The following KCNAB1 variants were observed in gnomAD, a reference collection of about 807,000 sequenced individuals.
The protein encoded by KCNAB1 is potassium voltage-gated channel subfamily A regulatory beta subunit 1, also known as voltage-gated potassium channel subunit beta-1.
A neutral mutation model predicts 64.6 loss-of-function variants in KCNAB1; 35 were observed. That is an observed-to-expected ratio of 0.54 (90% CI 0.41 to 0.72). KCNAB1 has a LOEUF of 0.72. Ranked by LOEUF, KCNAB1 falls within the 30% of genes least tolerant of loss-of-function variation. The pLI is 0.00. For missense variants in KCNAB1, 401 were observed against 512.9 expected (o/e 0.78, Z 2.11); for synonymous variants, 177 against 183.8 (o/e 0.96, Z 0.30).
chr3:156,390,455 G>C (rs532935208), intron 1 of KCNAB1, among the ~76,000 whole-genome samples: 9 of 152,240 alleles, frequency 5.9e-5, no homozygotes, highest in African/African-American at 1.7e-4. Flanking sequence ...GATTAGTTTA[G>C]AGTCTTAAAA....
intron 1 of KCNAB1, among the ~76,000 whole-genome samples, chr3:156,124,655 C>T (rs1321686457): frequency 6.6e-6 from 1 of 152,052 alleles, no homozygotes; most frequent in Non-Finnish European, 1.5e-5. Context: ...TTTCTGGAAA[C>T]ATTTTTCTCA....
chr3:156,452,824 G>A lies in KCNAB1; in HGVS notation c.320-75G>A. 2 of 1,159,834 alleles carry A rather than the reference G, an allele frequency of 1.7e-6. No individual in the cohort carries two copies. Among genetic ancestry groups the A allele is most frequent in the Admixed American group, 1.9e-5 (1 of 52,236 alleles). 71.8% of individuals were successfully genotyped at this position (1,159,834 alleles called of 1,614,324 possible). ...TACAACCTATTGAGGTAGTCCCAAA[G>A]TAAGAATTTCCCTTATTACGCACAA... On this transcript the variant is annotated intron_variant, in intron 2 of 13. Transcript: ENST00000490337. This position sits in a 1 kb window ranked among gnomAD's most constrained non-coding sequence, Gnocchi z 4.6.
At chr3:156,512,000 G>A (rs1181430605) in intron 8 of KCNAB1, among the ~76,000 whole-genome samples, 1 of 152,252 alleles carries the variant, frequency 6.6e-6, no homozygotes, top group Non-Finnish European at 1.5e-5. Flanking sequence ...CACAAGGATG[G>A]TTCCTTTTTT....
intron 1 of KCNAB1, among the ~76,000 whole-genome samples, chr3:156,379,086 A>G (rs999206168): frequency 6.6e-6 from 1 of 152,202 alleles, no homozygotes; most frequent in African/African-American, 2.4e-5. Flanking sequence ...TTGCTGATTC[A>G]TCTGTTTTAA....
chr3:156,304,602 C>T (rs1721363581), intron 1 of KCNAB1, among the ~76,000 whole-genome samples: 1 of 152,170 alleles, frequency 6.6e-6, no homozygotes, highest in Admixed American at 6.6e-5. Context: ...GTTTTAATTT[C>T]CCTTGTTGGC....
chr3:156,263,984 A>T (rs1041418400), intron 1 of KCNAB1, among the ~76,000 whole-genome samples: 9 of 152,068 alleles, frequency 5.9e-5, no homozygotes, highest in Admixed American at 1.3e-4. Context: ...TGGTTGTTCT[A>T]TCAGTTACTG....
intron 1 of KCNAB1, among the ~76,000 whole-genome samples, chr3:156,312,650 T>TGCAGTGA (rs112240502): frequency 0.19 from 24,690 of 130,716 alleles, 6,201 homozygotes; most frequent in African/African-American, 0.58. Flanking sequence ...AGGTGGAGGT[T>TGCAGTGA]GCCAAGATAG....
At chr3:156,187,289 A>G (rs545608786) in intron 1 of KCNAB1, among the ~76,000 whole-genome samples, 6 of 152,216 alleles carry the variant, frequency 3.9e-5, no homozygotes, top group Non-Finnish European at 7.4e-5. Context: ...ACTCACTCAC[A>G]TTCTTGGTAA....
At chr3:156,468,665 G>A (rs1025259800) in intron 7 of KCNAB1, among the ~76,000 whole-genome samples, 3 of 152,222 alleles carry the variant, frequency 2.0e-5, no homozygotes, top group South Asian at 2.1e-4. Flanking sequence ...AGCACTTAAC[G>A]CATGTTATTT....
intron 8 of KCNAB1, among the ~76,000 whole-genome samples, chr3:156,477,494 A>G (rs1714457102): frequency 2.6e-5 from 4 of 152,034 alleles, no homozygotes; most frequent in Admixed American, 2.6e-4. Context: ...GGGGAGACTC[A>G]CCCCAGCAGG....
chr3:156,513,971 CA>C (rs1717389269), intron 8 of KCNAB1, among the ~76,000 whole-genome samples: 1 of 152,166 alleles, frequency 6.6e-6, no homozygotes, highest in Non-Finnish European at 1.5e-5. Flanking sequence ...TTACATTCTA[CA>C]AAGTTGAAAC....
chr3:156,307,893 C>G (rs1297452623), intron 1 of KCNAB1, among the ~76,000 whole-genome samples: 2 of 152,178 alleles, frequency 1.3e-5, no homozygotes, highest in African/African-American at 4.8e-5. Context: ...TCAGTTGATT[C>G]ATTCAATAAA....
chr3:156,480,385 G>A (rs1248142144), intron 8 of KCNAB1, among the ~76,000 whole-genome samples: 3 of 151,924 alleles, frequency 2.0e-5, no homozygotes, highest in African/African-American at 4.8e-5. Flanking sequence ...TTGTGGGGTG[G>A]GGGGCAAGGG....
Position 156,459,963 on chromosome 3 carries a change from G to T in KCNAB1, c.482+92G>T. 7.1e-6 allele frequency: 6 copies of T among 850,712 alleles called. No individual in the cohort carries two copies. The South Asian group carries it at 8.2e-5, about 12-fold the overall frequency. 52.7% of individuals were successfully genotyped at this position (850,712 alleles called of 1,614,324 possible). A position where few individuals can be genotyped will look rare whatever the true frequency, so the allele number is the denominator to read the frequency against. On this transcript the variant is annotated intron_variant, in intron 5 of 13. Transcript: ENST00000490337. ...AAATTATATGACACCTGACCAAAAG[G>T]CTGTCAAAAAAAATCAACTGTTTTT...
chr3:156,502,532 CCACACACACACACA>C (rs60469602), intron 8 of KCNAB1, among the ~76,000 whole-genome samples: 880 of 142,906 alleles, frequency 6.2e-3, no homozygotes, highest in Middle Eastern at 0.014. Flanking sequence ...TACCTTACAA[CCACACACACACACA>C]CACACACACA....
chr3:156,367,423 T>C (rs946906598), intron 1 of KCNAB1, among the ~76,000 whole-genome samples: 18 of 151,886 alleles, frequency 1.2e-4, no homozygotes, highest in Non-Finnish European at 2.2e-4. Flanking sequence ...CTTCATGATC[T>C]ACCCGCCTCG....
intron 1 of KCNAB1, among the ~76,000 whole-genome samples, chr3:156,285,944 T>C (rs1044354616): frequency 2.0e-5 from 3 of 152,232 alleles, no homozygotes; most frequent in African/African-American, 7.2e-5. Context: ...GCTGTAGATA[T>C]AGTTTAAATG....
intron 1 of KCNAB1, among the ~76,000 whole-genome samples, chr3:156,229,174 C>T (rs1276523218): frequency 6.6e-6 from 1 of 152,172 alleles, no homozygotes; most frequent in Non-Finnish European, 1.5e-5. Context: ...AAAGAAATAC[C>T]TGAGACTGAG....
rs1391745510 is a variant in KCNAB1 at position 156,254,632 on chromosome 3, T to C, written c.275+133746T>C. Among the ~76,000 whole-genome samples, 3 of 152,254 alleles carry C rather than the reference T, an allele frequency of 2.0e-5. No individual in the cohort carries two copies. The East Asian group carries it at 5.8e-4, about 29-fold the overall frequency. Reference sequence around the variant, plus strand: ...GAAGGGAGTCACAATATTTGATATTTAGTTACAAAGGCTCACAGTAGAAAA... The same window carrying C: ...GAAGGGAGTCACAATATTTGATATTCAGTTACAAAGGCTCACAGTAGAAAA... On this transcript the variant is annotated intron_variant, in intron 1 of 13. Transcript: ENST00000490337.
Sources: allele counts gnomAD v4.1 joint callset (sites outside exome capture counted in the v4.1 genomes callset), GRCh38; gene constraint gnomAD v4.1.1; non-coding constraint Gnocchi (gnomAD v3.1); transcripts MANE v1.5; gene names NCBI Gene and HGNC (gene_info 2026-07-23, HGNC 2026-07-21).